DNM3: variants seen among roughly 807,000 people sequenced by gnomAD.
DNM3 encodes the protein dynamin-3.
In DNM3, 47 loss-of-function variants were observed where a neutral mutation model predicts 101.6. That is an observed-to-expected ratio of 0.46 (90% CI 0.37 to 0.59). The LOEUF (loss-of-function observed/expected upper bound fraction) is 0.59, where lower values mean the gene tolerates loss of function less well. Among genes scored for constraint, DNM3 ranks in the 20% least tolerant of loss-of-function variants. DNM3 has a pLI of 0.00. For missense variants in DNM3, 849 were observed against 1,085.7 expected, an observed-to-expected ratio of 0.78 and a Z score of 3.06; for synonymous variants, 385 against 387.9, an observed-to-expected ratio of 0.99 and a Z score of 0.09.
chr1:172,397,957 A>G (rs10911681), intron 20 of DNM3, among the ~76,000 whole-genome samples: 38,226 of 152,128 alleles, frequency 0.25, 6,860 homozygotes, highest in African/African-American at 0.51. Flanking sequence ...AGAGGATTAC[A>G]AGTTATCTTT....
At chr1:171,976,884 T>C (rs1011468562) in intron 2 of DNM3, among the ~76,000 whole-genome samples, 3 of 152,220 alleles carry the variant, frequency 2.0e-5, no homozygotes, top group African/African-American at 7.2e-5. Context: ...TAAATTTTGT[T>C]CCTTGTGGCC....
intron 2 of DNM3, among the ~76,000 whole-genome samples, chr1:171,946,296 C>A (rs1044040435): frequency 2.0e-5 from 3 of 152,064 alleles, no homozygotes; most frequent in Non-Finnish European, 2.9e-5. Flanking sequence ...CTAGAGTTCA[C>A]AGAAAAATGT....
chr1:171,973,949 G>C (rs1034153544), intron 2 of DNM3, among the ~76,000 whole-genome samples: 33 of 152,036 alleles, frequency 2.2e-4, no homozygotes, highest in African/African-American at 7.7e-4. Context: ...ATAGGCATGA[G>C]CCACCACTCG....
At chr1:171,971,332 C>A (rs1031683451) in intron 2 of DNM3, among the ~76,000 whole-genome samples, 1 of 151,990 alleles carries the variant, frequency 6.6e-6, no homozygotes, top group Non-Finnish European at 1.5e-5. Flanking sequence ...TTCTATAAAT[C>A]CTTTACAGAT....
chr1:171,947,927 C>T (rs1050041779), intron 2 of DNM3, among the ~76,000 whole-genome samples: 6 of 152,164 alleles, frequency 3.9e-5, no homozygotes, highest in Non-Finnish European at 7.3e-5. Context: ...GTGGAGTTTT[C>T]TGTTGGGAAA....
intron 2 of DNM3, among the ~76,000 whole-genome samples, chr1:171,976,635 A>T (rs1245325710): frequency 6.6e-6 from 1 of 152,206 alleles, no homozygotes; most frequent in Non-Finnish European, 1.5e-5. Flanking sequence ...TATCATTGAC[A>T]TTTAAGGAGC....
intron 1 of DNM3, among the ~76,000 whole-genome samples, chr1:171,887,445 G>C (rs1319635985): frequency 6.6e-6 from 1 of 152,080 alleles, no homozygotes; most frequent in African/African-American, 2.4e-5. Context: ...CTATTTAAAA[G>C]ATTTTCCATA....
chr1:172,259,079 TTC>T (rs1383928236), intron 15 of DNM3, among the ~76,000 whole-genome samples: 10 of 152,094 alleles, frequency 6.6e-5, no homozygotes, highest in Admixed American at 2.6e-4. Context: ...TGTTATTGAT[TTC>T]TGTTTTTATT....
At chr1:171,858,958 A>G (rs528751798) in intron 1 of DNM3, among the ~76,000 whole-genome samples, 109 of 152,216 alleles carry the variant, frequency 7.2e-4, no homozygotes, top group African/African-American at 2.6e-3. Flanking sequence ...TACTTTCCCC[A>G]TTTGTAACCT....
intron 4 of DNM3, among the ~76,000 whole-genome samples, chr1:171,995,799 T>C (rs934912222): frequency 1.1e-4 from 17 of 152,170 alleles, no homozygotes; most frequent in African/African-American, 3.9e-4. Flanking sequence ...ATTTAGATAG[T>C]AGAGGACCAT....
intron 11 of DNM3, among the ~76,000 whole-genome samples, chr1:172,069,159 TTTCA>T (rs768398506): frequency 2.6e-5 from 4 of 151,592 alleles, no homozygotes; most frequent in Non-Finnish European, 5.9e-5. Context: ...GTAACAGGAG[TTTCA>T]TTATTTTTTT....
At chr1:172,304,100 T>A (rs1172326323) in intron 15 of DNM3, among the ~76,000 whole-genome samples, 1 of 150,074 alleles carries the variant, frequency 6.7e-6, no homozygotes, top group Non-Finnish European at 1.5e-5. Flanking sequence ...GGATAAAGAA[T>A]CAAGACCCAT....
chr1:171,875,524 A>G (rs2035683712), intron 1 of DNM3, among the ~76,000 whole-genome samples: 1 of 152,214 alleles, frequency 6.6e-6, no homozygotes, highest in South Asian at 2.1e-4. Flanking sequence ...GAGTAAACCA[A>G]ATATTTACTG....
chr1:172,166,919 A>G (rs2058764645), intron 14 of DNM3, among the ~76,000 whole-genome samples: 1 of 149,358 alleles, frequency 6.7e-6, no homozygotes, highest in East Asian at 1.9e-4. Context: ...AAAGCATTGC[A>G]TTCTTTTTTT....
At chr1:171,920,049 G>A (rs1021570899) in intron 1 of DNM3, among the ~76,000 whole-genome samples, 2 of 152,146 alleles carry the variant, frequency 1.3e-5, no homozygotes, top group Admixed American at 6.5e-5. Context: ...CATTCTAAAT[G>A]AACTTTGGTC....
chr1:171,926,005 T>C (rs887389188), intron 2 of DNM3, among the ~76,000 whole-genome samples: 2 of 152,232 alleles, frequency 1.3e-5, no homozygotes, highest in Non-Finnish European at 2.9e-5. Flanking sequence ...GAAGACGTGT[T>C]GGTTGAAAAT....
Position 172,083,938 on chromosome 1 carries a change from G to C in DNM3, c.1493+2036G>C, listed in dbSNP as rs139531921. Among the ~76,000 whole-genome samples the C allele has an allele frequency of 7.1e-3, 1,074 of 152,228 alleles. 18 individuals are homozygous for C. Among genetic ancestry groups the C allele is most frequent in the African/African-American group, 0.024 (1,012 of 41,530 alleles). On this transcript the variant is annotated intron_variant, in intron 12 of 20. Transcript: ENST00000627582. ...GTCCTATTTTTCCAGCAGTGAGATAGACTATGAATCTTTATGATATTGGGG... is the reference window on the plus strand; with the variant it reads ...GTCCTATTTTTCCAGCAGTGAGATACACTATGAATCTTTATGATATTGGGG...
intron 1 of DNM3, among the ~76,000 whole-genome samples, chr1:171,868,982 C>A (rs1356824450): frequency 6.6e-6 from 1 of 152,060 alleles, no homozygotes; most frequent in Non-Finnish European, 1.5e-5. Flanking sequence ...AGGGTTTCTC[C>A]ATGTTGGTCA....
intron 18 of DNM3, among the ~76,000 whole-genome samples, chr1:172,386,132 A>C (rs1043573947): frequency 6.6e-6 from 1 of 152,216 alleles, no homozygotes; most frequent in African/African-American, 2.4e-5. Context: ...TTATGAAGCC[A>C]CTTGGTATAT....
Sources: gnomAD v4.1 joint callset for allele counts (sites outside exome capture counted in the v4.1 genomes callset) on GRCh38, gnomAD v4.1.1 for gene constraint, MANE v1.5 for transcripts, NCBI Gene and HGNC (gene_info 2026-07-23, HGNC 2026-07-21) for gene names.